ZEB1: variants seen among roughly 807,000 people sequenced by gnomAD.
ZEB1 encodes the protein zinc finger E-box-binding homeobox 1.
A neutral mutation model predicts 84.9 loss-of-function variants in ZEB1; 21 were observed. The observed-to-expected ratio is 0.25, with a 90% confidence interval of 0.18 to 0.36. The LOEUF (loss-of-function observed/expected upper bound fraction) is 0.36, where lower values mean the gene tolerates loss of function less well. Among genes scored for constraint, ZEB1 ranks in the 10% least tolerant of loss-of-function variants. ZEB1 has a pLI of 1.00. For missense variants in ZEB1, 1,104 were observed against 1,330.2 expected (o/e 0.83, Z 2.65); for synonymous variants, 420 against 471.1 (o/e 0.89, Z 1.41).
intron 4 of ZEB1, among the ~76,000 whole-genome samples, chr10:31,509,257 C>A (rs1310564907): frequency 6.6e-6 from 1 of 152,158 alleles, no homozygotes; most frequent in Non-Finnish European, 1.5e-5. Context: ...CCACATACCT[C>A]CCTGTGTTAG....
At chr10:31,446,986 G>A (rs574362648) in intron 1 of ZEB1, among the ~76,000 whole-genome samples, 253 of 151,912 alleles carry the variant, frequency 1.7e-3, no homozygotes, top group African/African-American at 5.0e-3. Context: ...TTTCTGTCTC[G>A]TTGATCTGTC....
At chr10:31,345,844 G>A (rs2040210721) in intron 1 of ZEB1, among the ~76,000 whole-genome samples, 1 of 152,088 alleles carries the variant, frequency 6.6e-6, no homozygotes, top group African/African-American at 2.4e-5. Flanking sequence ...TTCTTTTACT[G>A]TAAAAAGAAA....
chr10:31,520,849 G>A lies in ZEB1; in HGVS notation c.1517G>A (p.Ser506Asn), dbSNP rs1464777836. Residue 506 changes from serine to asparagine, a missense_variant, in exon 7 of 9, where the codon AGT becomes AAT. Physicochemically the swap from Ser to Asn is conservative, Grantham distance 46. This residue lies in a region of ZEB1 where 531 missense variants were observed against 575.2 expected (regional missense o/e 0.92). Transcript: ENST00000424869. The surrounding 1 kb of genome is among the most constrained non-coding windows in gnomAD (Gnocchi z 5.1). ...CCAGTCGCTACAAACAGTTGTAAAA[G>A]TGAAAAGTTACCAGAAGATCTTACT... ...ENPVATNSCK[S>N]EKLPEDLTVK... The A allele has an allele frequency of 6.2e-7, 1 of 1,614,108 alleles. No homozygotes were observed. The highest frequency in any genetic ancestry group is 8.5e-7 in the Non-Finnish European group (1 of 1,180,008).
intron 1 of ZEB1, 49 bp from the exon 2 acceptor site, chr10:31,460,988 A>G: frequency 1.4e-6 from 2 of 1,447,078 alleles, no homozygotes; most frequent in Non-Finnish European, 1.9e-6. Flanking sequence ...GTAAAAACTG[A>G]TTGTTTTACT....
chr10:31,392,581 CT>C (rs2049949265), intron 1 of ZEB1, among the ~76,000 whole-genome samples: 1 of 151,878 alleles, frequency 6.6e-6, no homozygotes, highest in South Asian at 2.1e-4. Flanking sequence ...AAACTAATAC[CT>C]TTTTCTCAAA....
intron 1 of ZEB1, among the ~76,000 whole-genome samples, chr10:31,406,059 A>G (rs1250282119): frequency 6.6e-6 from 1 of 152,178 alleles, no homozygotes; most frequent in Non-Finnish European, 1.5e-5. Flanking sequence ...TCCATGGTGT[A>G]TATGTGCCAC....
At chr10:31,344,803 G>A (rs1429674736) in intron 1 of ZEB1, among the ~76,000 whole-genome samples, 5 of 152,136 alleles carry the variant, frequency 3.3e-5, no homozygotes, top group Non-Finnish European at 7.4e-5. Flanking sequence ...GGGTTATTTT[G>A]AACATATTAA....
rs567446060 is a variant in ZEB1, at chr10:31,406,969, T to C, written c.59-54068T>C. 6.2e-3 allele frequency among the ~76,000 whole-genome samples: 948 copies of C among 152,138 alleles called. 7 individuals are homozygous for C. Among genetic ancestry groups the C allele is most frequent in the Non-Finnish European group, 0.01 (681 of 67,940 alleles). ...TAGGGAATCCTTTCCCCATTGCTTG[T>C]TTTTTGTCAGGTTTGTCAAAGATCA... On this transcript the variant is annotated intron_variant, in intron 1 of 8. Transcript: ENST00000424869.
chr10:31,500,647 A>G (rs1021096213), intron 3 of ZEB1, among the ~76,000 whole-genome samples: 2 of 152,208 alleles, frequency 1.3e-5, no homozygotes, highest in African/African-American at 4.8e-5. Flanking sequence ...CAAGCAGTGT[A>G]CCATAATCAT....
chr10:31,343,790 C>A (rs2039815530), intron 1 of ZEB1, among the ~76,000 whole-genome samples: 1 of 152,186 alleles, frequency 6.6e-6, no homozygotes, highest in South Asian at 2.1e-4. Context: ...ACTAAGTGAC[C>A]TTTGACACAG....
chr10:31,520,446 C>A lies in ZEB1; in HGVS notation c.1114C>A (p.Gln372Lys), dbSNP rs1270963765. 1.2e-6 allele frequency: 2 copies of A among 1,614,040 alleles called. No individual in the cohort carries two copies. The highest frequency in any genetic ancestry group is 1.7e-6 in the Non-Finnish European group (2 of 1,179,966). ...ASGINCSTPL[Q>K]NGVFTGGGPL... ...AGGAATCAACTGTTCAACCCCTTTA[C>A]AAAATGGGGTTTTCACTGGTGGTGG... Residue 372 changes from glutamine to lysine, a missense_variant, in exon 7 of 9, where the codon CAA (glutamine) becomes AAA (lysine). This residue lies in a region of ZEB1 where 111 missense variants were observed against 161.8 expected (regional missense o/e 0.69). Coordinates refer to ENST00000424869, the MANE Select transcript of ZEB1 (RefSeq NM_001174096.2). The surrounding 1 kb of genome is among the most constrained non-coding windows in gnomAD (Gnocchi z 5.1).
chr10:31,318,867 G>A (rs747009793), upstream of ZEB1: 43 of 354,576 alleles, frequency 1.2e-4, no homozygotes, highest in Admixed American at 2.7e-4. Flanking sequence ...CAGCGCGGAG[G>A]CAGGACGCCG....
At chr10:31,365,718 A>G (rs1590368799) in intron 1 of ZEB1, among the ~76,000 whole-genome samples, 1 of 152,350 alleles carries the variant, frequency 6.6e-6, no homozygotes, top group East Asian at 1.9e-4. Flanking sequence ...AATATAATGA[A>G]TTCCACAAAA....
At chr10:31,404,904 A>G (rs1400862262) in intron 1 of ZEB1, among the ~76,000 whole-genome samples, 1 of 152,120 alleles carries the variant, frequency 6.6e-6, no homozygotes, top group African/African-American at 2.4e-5. Flanking sequence ...ACAGGGAGAA[A>G]AAGAGCAGGC....
At chr10:31,373,145 A>G in intron 1 of ZEB1, 1 of 985,368 alleles carries the variant, frequency 1.0e-6, no homozygotes, top group Non-Finnish European at 1.2e-6. Context: ...AGAAAGACTA[A>G]TGGAGTGACT....
At chr10:31,518,829 G>A (rs2071691973) in intron 6 of ZEB1, among the ~76,000 whole-genome samples, 1 of 152,020 alleles carries the variant, frequency 6.6e-6, no homozygotes, top group Non-Finnish European at 1.5e-5. Context: ...TGAAAAGGAG[G>A]CTGTACTACA....
intron 1 of ZEB1, among the ~76,000 whole-genome samples, chr10:31,447,482 G>A (rs965595169): frequency 1.8e-4 from 23 of 129,194 alleles, no homozygotes; most frequent in African/African-American, 5.7e-4. Flanking sequence ...GATTTTGCTC[G>A]TTAGTTCATG....
chr10:31,443,195 G>C (rs997022640), intron 1 of ZEB1, among the ~76,000 whole-genome samples: 3 of 152,162 alleles, frequency 2.0e-5, no homozygotes, highest in African/African-American at 7.2e-5. Flanking sequence ...CGAATTGCTT[G>C]TGCATATTCT....
chr10:31,431,346 A>T (rs552205645), intron 1 of ZEB1, among the ~76,000 whole-genome samples: 1 of 152,184 alleles, frequency 6.6e-6, no homozygotes, highest in African/African-American at 2.4e-5. Context: ...TCATTATACT[A>T]TACACTTGAT....
Sources: allele counts gnomAD v4.1 joint callset (sites outside exome capture counted in the v4.1 genomes callset), GRCh38; gene constraint gnomAD v4.1.1; regional missense constraint gnomAD v4.1.1; non-coding constraint Gnocchi (gnomAD v3.1); transcripts MANE v1.5; gene names NCBI Gene and HGNC (gene_info 2026-07-23, HGNC 2026-07-21).